The following NAV2 variants were observed in gnomAD, a reference collection of about 807,000 sequenced individuals.
NAV2 encodes the protein neuron navigator 2.
A neutral mutation model predicts 223.2 loss-of-function variants in NAV2; 54 were observed. That is an observed-to-expected ratio of 0.24 (90% CI 0.19 to 0.30). NAV2 has a LOEUF of 0.30. NAV2 is among the 10% of genes least tolerant of loss of function. NAV2 has a pLI of 1.00. For missense variants in NAV2, 2,806 were observed against 3,147.5 expected, an observed-to-expected ratio of 0.89 and a Z score of 2.60; for synonymous variants, 1,279 against 1,239.3, an observed-to-expected ratio of 1.03 and a Z score of -0.67.
intron 1 of NAV2, among the ~76,000 whole-genome samples, chr11:19,627,102 T>C (rs2047192917): frequency 1.3e-5 from 2 of 152,264 alleles, no homozygotes; most frequent in South Asian, 2.1e-4. Context: ...AAGAGATCCA[T>C]GTGGGCCGGG....
intron 1 of NAV2, among the ~76,000 whole-genome samples, chr11:19,469,261 G>C (rs954415070): frequency 6.6e-6 from 1 of 152,192 alleles, no homozygotes; most frequent in Non-Finnish European, 1.5e-5. Context: ...TCATGAATGA[G>C]CTGAGTCAGA....
intron 11 of NAV2, among the ~76,000 whole-genome samples, chr11:20,010,813 C>A (rs1289239755): frequency 6.6e-6 from 1 of 152,172 alleles, no homozygotes; most frequent in Admixed American, 6.5e-5. Flanking sequence ...ACCTGGGGAT[C>A]TTTTTCCTTC....
intron 1 of NAV2, among the ~76,000 whole-genome samples, chr11:19,634,408 G>A (rs926285303): frequency 1.3e-5 from 2 of 152,192 alleles, no homozygotes; most frequent in African/African-American, 4.8e-5. Context: ...ATTCCTGGGT[G>A]ATGAAATAAT....
intron 1 of NAV2, among the ~76,000 whole-genome samples, chr11:19,730,354 G>A (rs911115241): frequency 6.6e-6 from 1 of 152,170 alleles, no homozygotes; most frequent in Admixed American, 6.5e-5. Flanking sequence ...CCACACAGGC[G>A]AAGGTTTTGG....
At chr11:19,489,360 C>T (rs2042548822) in intron 1 of NAV2, among the ~76,000 whole-genome samples, 1 of 152,210 alleles carries the variant, frequency 6.6e-6, no homozygotes, top group Non-Finnish European at 1.5e-5. Context: ...TCTGCTGTCA[C>T]TTCTAATGAT....
intron 16 of NAV2, 138 bp from the exon 17 acceptor site, chr11:20,051,151 A>C: frequency 1.4e-6 from 1 of 697,650 alleles, no homozygotes. Context: ...GTTGCATTGC[A>C]CGCCTAGCTG....
intron 5 of NAV2, among the ~76,000 whole-genome samples, chr11:19,880,845 G>T (rs1404706531): frequency 1.3e-5 from 2 of 151,932 alleles, no homozygotes; most frequent in African/African-American, 4.8e-5. Context: ...TTGTCTTAAT[G>T]GTAGAAAAAA....
chr11:19,973,639 A>G (rs1306040631), intron 10 of NAV2, among the ~76,000 whole-genome samples: 1 of 152,332 alleles, frequency 6.6e-6, no homozygotes, highest in African/African-American at 2.4e-5. Flanking sequence ...GAATTGTAGC[A>G]TTGCCATGAG....
At chr11:19,914,178 C>T (rs1034963138) in intron 6 of NAV2, among the ~76,000 whole-genome samples, 3 of 152,220 alleles carry the variant, frequency 2.0e-5, no homozygotes, top group Non-Finnish European at 4.4e-5. Flanking sequence ...AATTGTTAGT[C>T]ATTTGCCAGC....
chr11:20,038,335 T>C (rs981310542), intron 12 of NAV2, among the ~76,000 whole-genome samples: 26 of 152,334 alleles, frequency 1.7e-4, no homozygotes, highest in African/African-American at 5.5e-4. Flanking sequence ...GGGTAGGTTT[T>C]TTTTCCTATA....
At chr11:19,842,027 C>G (rs1359075545) in intron 2 of NAV2, among the ~76,000 whole-genome samples, 1 of 152,158 alleles carries the variant, frequency 6.6e-6, no homozygotes, top group African/African-American at 2.4e-5. Context: ...AGCTGGAATT[C>G]ACGCTAACGT....
At chr11:19,650,817 A>C (rs1435915979) in intron 1 of NAV2, among the ~76,000 whole-genome samples, 17 of 152,216 alleles carry the variant, frequency 1.1e-4, no homozygotes, top group Admixed American at 1.1e-3. Flanking sequence ...GAGGCCAAAC[A>C]AAAAAGACTA....
intron 1 of NAV2, among the ~76,000 whole-genome samples, chr11:19,492,268 C>A (rs1298987174): frequency 2.6e-5 from 4 of 151,728 alleles, no homozygotes; most frequent in Non-Finnish European, 5.9e-5. Flanking sequence ...TTGCCACAAC[C>A]TTTCAATTTG....
At chr11:20,008,091 G>A (rs1399141242) in intron 11 of NAV2, among the ~76,000 whole-genome samples, 1 of 152,174 alleles carries the variant, frequency 6.6e-6, no homozygotes. Context: ...ATCAGGCCAG[G>A]CACGGTGGCT....
chr11:19,838,373 C>T (rs956584962), intron 2 of NAV2, among the ~76,000 whole-genome samples: 2 of 152,010 alleles, frequency 1.3e-5, no homozygotes, highest in African/African-American at 4.8e-5. Flanking sequence ...TACCTATAAG[C>T]CAAGACTTCA....
chr11:20,026,120 G>A (rs762348154), intron 11 of NAV2, among the ~76,000 whole-genome samples: 41 of 152,016 alleles, frequency 2.7e-4, no homozygotes, highest in Non-Finnish European at 4.7e-4. Context: ...CTCTCCATTT[G>A]GAGCCTCCTG....
intron 1 of NAV2, among the ~76,000 whole-genome samples, chr11:19,635,836 T>C (rs1464370634): frequency 6.6e-6 from 1 of 152,214 alleles, no homozygotes; most frequent in Non-Finnish European, 1.5e-5. Context: ...AGCATGAGTT[T>C]TGGTGGGGAC....
At chr11:19,479,410 A>G (rs528993451) in intron 1 of NAV2, among the ~76,000 whole-genome samples, 1 of 152,304 alleles carries the variant, frequency 6.6e-6, no homozygotes, top group Admixed American at 6.5e-5. Flanking sequence ...GTCATCGGCA[A>G]CCATGAGCAG....
chr11:19,896,482 C>G (rs1369821780), intron 6 of NAV2, among the ~76,000 whole-genome samples: 1 of 151,336 alleles, frequency 6.6e-6, no homozygotes, highest in Non-Finnish European at 1.5e-5. Context: ...TTATAAAGCA[C>G]TTTACTGCTT....
Sources: allele counts gnomAD v4.1 joint callset (sites outside exome capture counted in the v4.1 genomes callset), GRCh38; gene constraint gnomAD v4.1.1; transcripts MANE v1.5; gene names NCBI Gene and HGNC (gene_info 2026-07-23, HGNC 2026-07-21).